The following DIP2C variants were observed in gnomAD, a reference collection of about 807,000 sequenced individuals.
The protein encoded by DIP2C is disco-interacting protein 2 homolog C.
A neutral mutation model predicts 192.4 loss-of-function variants in DIP2C; 33 were observed. That is an observed-to-expected ratio of 0.17 (90% CI 0.13 to 0.23). The LOEUF is 0.23. Among genes scored for constraint, DIP2C ranks in the 10% least tolerant of loss-of-function variants. The pLI is 1.00. For synonymous variants in DIP2C, 979 were observed against 864.1 expected (o/e 1.13, Z -2.33); for missense variants, 1,537 against 2,110.1 (o/e 0.73, Z 5.32).
In DIP2C at chr10:379,627, C is replaced by T. The variant is rs547385270; in HGVS notation, c.1991+3020G>A. On this transcript the variant is annotated intron_variant, in intron 17 of 36. Coordinates refer to ENST00000280886, the MANE Select transcript of DIP2C (RefSeq NM_014974.3). ...ATCTACTTTTTTGTTTTCTTTTTTGCAGAAGAGAATCACTAAGTGATACAT... is the reference window on the plus strand; with the variant it reads ...ATCTACTTTTTTGTTTTCTTTTTTGTAGAAGAGAATCACTAAGTGATACAT... Among the ~76,000 whole-genome samples the T allele has an allele frequency of 8.5e-5, 13 of 152,274 alleles. No homozygotes were observed. In the South Asian group the frequency reaches 2.7e-3, roughly 32 times the overall value.
At chr10:423,737 G>A (rs775359115) in intron 4 of DIP2C, among the ~76,000 whole-genome samples, 1 of 151,948 alleles carries the variant, frequency 6.6e-6, no homozygotes, top group Non-Finnish European at 1.5e-5. Flanking sequence ...GTGTGTGTTA[G>A]ATACCCATAC....
At chr10:444,818 T>C (rs1257298454) in intron 3 of DIP2C, among the ~76,000 whole-genome samples, 1 of 152,266 alleles carries the variant, frequency 6.6e-6, no homozygotes, top group African/African-American at 2.4e-5. Context: ...CATAATTTGC[T>C]CATGTTTCTC....
At chr10:481,739 C>A (rs1486498306) in intron 2 of DIP2C, among the ~76,000 whole-genome samples, 3 of 152,240 alleles carry the variant, frequency 2.0e-5, no homozygotes, top group African/African-American at 7.2e-5. Context: ...ATCATGCGGA[C>A]ACGGTGGCGT....
At chr10:559,516 TCAA>T (rs967155330) in intron 1 of DIP2C, among the ~76,000 whole-genome samples, 1 of 152,154 alleles carries the variant, frequency 6.6e-6, no homozygotes, top group African/African-American at 2.4e-5. Flanking sequence ...CATGTTAAAA[TCAA>T]CAACTATATA....
chr10:299,451 C>T (rs576453460), intron 32 of DIP2C, among the ~76,000 whole-genome samples: 31 of 152,170 alleles, frequency 2.0e-4, no homozygotes, highest in Non-Finnish European at 4.0e-4. Flanking sequence ...ATGACGTTGA[C>T]ATTTTTGAAG....
At chr10:439,192 G>A (rs1967517393) in intron 4 of DIP2C, among the ~76,000 whole-genome samples, 1 of 152,100 alleles carries the variant, frequency 6.6e-6, no homozygotes, top group Non-Finnish European at 1.5e-5. Context: ...AAAAGGAGGA[G>A]CCCAAGGGAG....
intron 1 of DIP2C, among the ~76,000 whole-genome samples, chr10:503,555 T>C (rs544667703): frequency 7.9e-5 from 12 of 152,310 alleles, no homozygotes; most frequent in African/African-American, 2.9e-4. Flanking sequence ...CTAGCCTCTT[T>C]CTCTGAGAGC....
Position 575,757 on chromosome 10 carries a change from G to A in DIP2C, c.86-89227C>T, listed in dbSNP as rs193008852. 5.7e-3 allele frequency among the ~76,000 whole-genome samples: 873 copies of A among 152,266 alleles called. 10 individuals are homozygous for A. Among genetic ancestry groups the A allele is most frequent in the Admixed American group, 7.0e-3 (107 of 15,300 alleles). ...GGCAAGCTACAGCAGCCTCCATCTC[G>A]CCGCAAGCAGGGCCAGAGCCAGGGG... On this transcript the variant is annotated intron_variant, in intron 1 of 36. Coordinates refer to ENST00000280886, the MANE Select transcript of DIP2C (RefSeq NM_014974.3).
chr10:551,578 G>A lies in DIP2C; in HGVS notation c.86-65048C>T, dbSNP rs138795400. Among the ~76,000 whole-genome samples the A allele has an allele frequency of 1.0e-3, 153 of 152,342 alleles. 5 individuals are homozygous for A. The East Asian group carries it at 0.019, about 19-fold the overall frequency. Reference sequence around the variant, plus strand: ...CCTTCCCTCCTGCCAGGCTGGCTGTGTCACAGCAGCATGTCCATCTTCCCT... The same window carrying A: ...CCTTCCCTCCTGCCAGGCTGGCTGTATCACAGCAGCATGTCCATCTTCCCT... On this transcript the variant is annotated intron_variant, in intron 1 of 36. Transcript: ENST00000280886.
intron 1 of DIP2C, among the ~76,000 whole-genome samples, chr10:614,525 G>A (rs1466164167): frequency 2.0e-5 from 3 of 152,216 alleles, no homozygotes; most frequent in Admixed American, 1.3e-4. Flanking sequence ...CAGCCAAGGT[G>A]CCCTCACCAC....
rs12248691 is a variant in DIP2C at position 415,159 on chromosome 10, A to C, written c.859+610T>G. On this transcript the variant is annotated intron_variant, in intron 7 of 36. Coordinates refer to ENST00000280886, the MANE Select transcript of DIP2C (RefSeq NM_014974.3). ...AAATACCACCTGCCCAATCCTTGAG[A>C]GAGGTGAAGAATGGAAATTATCTCT... Among the ~76,000 whole-genome samples the C allele has an allele frequency of 8.9e-3, 1,357 of 152,112 alleles. 22 individuals carry two copies. The highest frequency in any genetic ancestry group is 0.03 in the African/African-American group (1,261 of 41,488).
chr10:320,852 G>A (rs1198497158), intron 31 of DIP2C, among the ~76,000 whole-genome samples: 1 of 152,218 alleles, frequency 6.6e-6, no homozygotes, highest in Non-Finnish European at 1.5e-5. Flanking sequence ...TTAAAAAGCA[G>A]CTGGAAAGTG....
chr10:367,161 T>TA (rs1256887977), intron 18 of DIP2C, among the ~76,000 whole-genome samples: 1 of 152,170 alleles, frequency 6.6e-6, no homozygotes, highest in East Asian at 1.9e-4. Context: ...CTCACGCCTG[T>TA]AATCCCAGTA....
intron 17 of DIP2C, among the ~76,000 whole-genome samples, chr10:375,222 T>C (rs1961424913): frequency 6.6e-6 from 1 of 152,234 alleles, no homozygotes; most frequent in Admixed American, 6.5e-5. Flanking sequence ...TCTCACTTTA[T>C]GAGTTCACGT....
chr10:619,778 C>T (rs1357455931), intron 1 of DIP2C, among the ~76,000 whole-genome samples: 1 of 152,130 alleles, frequency 6.6e-6, no homozygotes, highest in East Asian at 1.9e-4. Flanking sequence ...GCCCAGGGAC[C>T]GGCAGGCTGG....
intron 1 of DIP2C, among the ~76,000 whole-genome samples, chr10:610,297 G>A (rs888788706): frequency 6.6e-6 from 1 of 152,126 alleles, no homozygotes; most frequent in Non-Finnish European, 1.5e-5. Flanking sequence ...TGGTCAGCAG[G>A]GCCCACTCAT....
intron 3 of DIP2C, among the ~76,000 whole-genome samples, chr10:461,658 G>C (rs927328708): frequency 2.0e-5 from 3 of 152,136 alleles, no homozygotes; most frequent in Admixed American, 2.0e-4. Context: ...TTCAGGACTT[G>C]AACTCAGCTC....
chr10:616,580 G>T lies in DIP2C; in HGVS notation c.85+72914C>A, dbSNP rs567797197. On this transcript the variant is annotated intron_variant, in intron 1 of 36. Transcript: ENST00000280886. Reference sequence around the variant, plus strand: ...CAAGTCTGAGCCCCAACAGCCCCTCGCCCAGCCAGGGCTTCCTCACCAGCA... The same window carrying T: ...CAAGTCTGAGCCCCAACAGCCCCTCTCCCAGCCAGGGCTTCCTCACCAGCA... Among the ~76,000 whole-genome samples, 3 of 152,254 alleles carry T rather than the reference G, an allele frequency of 2.0e-5. No homozygotes were observed. The South Asian group carries it at 6.2e-4, about 32-fold the overall frequency.
chr10:353,017 C>T (rs1372378629), intron 24 of DIP2C, among the ~76,000 whole-genome samples: 2 of 152,140 alleles, frequency 1.3e-5, no homozygotes, highest in Non-Finnish European at 2.9e-5. Flanking sequence ...AGGTGACAGT[C>T]GTCATTCTCT....
Sources: allele counts gnomAD v4.1 joint callset (sites outside exome capture counted in the v4.1 genomes callset), GRCh38; gene constraint gnomAD v4.1.1; transcripts MANE v1.5; gene names NCBI Gene and HGNC (gene_info 2026-07-23, HGNC 2026-07-21).